SLC35D4: variants seen among roughly 807,000 people sequenced by gnomAD.
SLC35D4 encodes solute carrier family 35 member D4.
the SLC35D4 span, among the ~76,000 whole-genome samples, chr18:23,271,680 G>C: frequency 6.6e-6 from 1 of 152,124 alleles, no homozygotes; most frequent in African/African-American, 2.4e-5. Context: ...TGGGGGCTTG[G>C]AAAGATCAAG....
At chr18:23,411,532 A>AGAAAGAAAGAAG in the SLC35D4 span, among the ~76,000 whole-genome samples, 1 of 151,546 alleles carries the variant, frequency 6.6e-6, no homozygotes, top group African/African-American at 2.4e-5. Flanking sequence ...AAAGAAAGAA[A>AGAAAGAAAGAAG]GAAAGAAAGA....
chr18:23,285,090 C>A, the SLC35D4 span, among the ~76,000 whole-genome samples: 1 of 152,220 alleles, frequency 6.6e-6, no homozygotes, highest in Non-Finnish European at 1.5e-5. Flanking sequence ...AGTGGCAAGT[C>A]CTGCTTTTCT....
chr18:23,302,395 T>C, the SLC35D4 span, among the ~76,000 whole-genome samples: 1 of 152,228 alleles, frequency 6.6e-6, no homozygotes, highest in Admixed American at 6.5e-5. Context: ...ATGTTTTTCA[T>C]TGTTACAATT....
chr18:23,330,417 C>G, the SLC35D4 span, among the ~76,000 whole-genome samples: 1 of 151,968 alleles, frequency 6.6e-6, no homozygotes, highest in African/African-American at 2.4e-5. Flanking sequence ...TAAATGGTTT[C>G]TAAGGTTTTT....
At chr18:23,407,522 A>T in the SLC35D4 span, among the ~76,000 whole-genome samples, 1 of 152,160 alleles carries the variant, frequency 6.6e-6, no homozygotes, top group Non-Finnish European at 1.5e-5. Context: ...TCTCCAAAAA[A>T]AAAGTCAGTG....
the SLC35D4 span, among the ~76,000 whole-genome samples, chr18:23,374,572 G>A: frequency 1.3e-5 from 2 of 148,428 alleles, no homozygotes; most frequent in African/African-American, 2.5e-5. Flanking sequence ...CATAACCTCC[G>A]CCTCCCGGGT....
At chr18:23,251,045 A>G in the SLC35D4 span, among the ~76,000 whole-genome samples, 64,991 of 152,100 alleles carry the variant, frequency 0.43, 14,434 homozygotes, top group Admixed American at 0.54. Context: ...ACCAACTTCC[A>G]TTAGAGCTGT....
chr18:23,371,943 T>TTTTTTTTTTTG, the SLC35D4 span, among the ~76,000 whole-genome samples: 1 of 33,106 alleles, frequency 3.0e-5, no homozygotes, highest in South Asian at 9.5e-4. Context: ...TTGTTTTTTT[T>TTTTTTTTTTTG]TTTTTTTTTT....
chr18:23,434,262 T>C, the SLC35D4 span, among the ~76,000 whole-genome samples: 1 of 152,170 alleles, frequency 6.6e-6, no homozygotes, highest in Non-Finnish European at 1.5e-5. Flanking sequence ...CTCCTTGGTC[T>C]CCCCTTCTTT....
chr18:23,426,707 C>T, the SLC35D4 span, among the ~76,000 whole-genome samples: 1 of 152,148 alleles, frequency 6.6e-6, no homozygotes, highest in Non-Finnish European at 1.5e-5. Context: ...CCCACATTGC[C>T]AAGACAATCC....
the SLC35D4 span, among the ~76,000 whole-genome samples, chr18:23,410,223 A>G: frequency 0.024 from 3,725 of 152,212 alleles, 142 homozygotes; most frequent in African/African-American, 0.083. Flanking sequence ...GCTCAGGCCT[A>G]TAATCCCAGC....
chr18:23,437,038 CCAGAGTCCAGGCCAGCA>C, the SLC35D4 span, among the ~76,000 whole-genome samples: 1 of 152,092 alleles, frequency 6.6e-6, no homozygotes, highest in Admixed American at 6.5e-5. Flanking sequence ...TGGGGCCAGC[CCAGAGTCCAGGCCAGCA>C]GGTAATGCCC....
the SLC35D4 span, among the ~76,000 whole-genome samples, chr18:23,391,942 C>CTT: frequency 8.3e-5 from 12 of 144,404 alleles, no homozygotes; most frequent in East Asian, 2.2e-3. Flanking sequence ...CTTTCTTCTT[C>CTT]TTTTTTTTTT....
the SLC35D4 span, among the ~76,000 whole-genome samples, chr18:23,379,183 G>A: frequency 2.0e-5 from 3 of 151,634 alleles, no homozygotes; most frequent in Non-Finnish European, 4.4e-5. Flanking sequence ...GAGTGCGGTG[G>A]CGTGATCTTG....
At chr18:23,348,557 C>T in the SLC35D4 span, among the ~76,000 whole-genome samples, 1 of 152,172 alleles carries the variant, frequency 6.6e-6, no homozygotes, top group African/African-American at 2.4e-5. Context: ...CTTCCTAATG[C>T]ATTAACACTT....
At chr18:23,420,106 C>G in the SLC35D4 span, among the ~76,000 whole-genome samples, 1 of 152,038 alleles carries the variant, frequency 6.6e-6, no homozygotes, top group Non-Finnish European at 1.5e-5. Flanking sequence ...GAGTTCAAGA[C>G]CAGCCTGACC....
the SLC35D4 span, among the ~76,000 whole-genome samples, chr18:23,369,443 G>T: frequency 6.6e-6 from 1 of 152,192 alleles, no homozygotes; most frequent in African/African-American, 2.4e-5. Context: ...CCATTGACTG[G>T]CTGCAACAAA....
the SLC35D4 span, chr18:23,437,924 A>G: frequency 1.4e-6 from 2 of 1,477,610 alleles, no homozygotes; most frequent in Non-Finnish European, 1.8e-6. Context: ...CGACCCCCGC[A>G]GCAGCAGCAG....
At chr18:23,394,435 C>A in the SLC35D4 span, among the ~76,000 whole-genome samples, 3 of 152,130 alleles carry the variant, frequency 2.0e-5, no homozygotes, top group Non-Finnish European at 4.4e-5. Context: ...TTTATGAGTT[C>A]TCTATATAGC....
Sources: gnomAD v4.1 joint callset for allele counts (sites outside exome capture counted in the v4.1 genomes callset) on GRCh38, gnomAD v4.1.1 for gene constraint, MANE v1.5 for transcripts, NCBI Gene and HGNC (gene_info 2026-07-23, HGNC 2026-07-21) for gene names.